The following PDE4D variants were observed in gnomAD, a reference collection of about 807,000 sequenced individuals.
PDE4D encodes 3',5'-cyclic-AMP phosphodiesterase 4D.
In PDE4D, 24 loss-of-function variants were observed where a neutral mutation model predicts 87.4. The ratio of observed to expected loss-of-function variants is 0.27; its 90% CI spans 0.20 to 0.39. The LOEUF (loss-of-function observed/expected upper bound fraction) is 0.39. Ranked by LOEUF, PDE4D falls within the 10% of genes least tolerant of loss-of-function variation. PDE4D has a pLI of 1.00. For missense variants in PDE4D, 714 were observed against 1,041.0 expected, an observed-to-expected ratio of 0.69 and a Z score of 4.32; for synonymous variants, 384 against 383.2, an observed-to-expected ratio of 1.00 and a Z score of -0.02.
intron 2 of PDE4D, among the ~76,000 whole-genome samples, chr5:59,207,191 GA>G (rs1748987995): frequency 6.6e-6 from 1 of 150,738 alleles, no homozygotes; most frequent in African/African-American, 2.4e-5. Flanking sequence ...TGTCTCAAAA[GA>G]AAAGAAAAAA....
chr5:59,676,412 C>T (rs1748088953), intron 1 of PDE4D, among the ~76,000 whole-genome samples: 1 of 152,118 alleles, frequency 6.6e-6, no homozygotes. Context: ...TATTTATTAA[C>T]AGCTTTCTCT....
intron 1 of PDE4D, among the ~76,000 whole-genome samples, chr5:60,302,134 CT>C (rs1311011751): frequency 6.6e-6 from 1 of 152,054 alleles, no homozygotes; most frequent in African/African-American, 2.4e-5. Context: ...CTGAAGTTTT[CT>C]TTTTTTGTTA....
At chr5:59,083,897 T>G (rs756343380) in intron 5 of PDE4D, among the ~76,000 whole-genome samples, 1 of 152,094 alleles carries the variant, frequency 6.6e-6, no homozygotes, top group African/African-American at 2.4e-5. Context: ...GTTTCTTAAG[T>G]AGTTGGCAGG....
chr5:59,523,900 C>A (rs1290176860), intron 1 of PDE4D, among the ~76,000 whole-genome samples: 2 of 152,178 alleles, frequency 1.3e-5, no homozygotes, highest in Non-Finnish European at 2.9e-5. Context: ...CTTCTCTCTC[C>A]TGCTGCCATG....
At chr5:59,489,804 T>C (rs1468176753) in intron 1 of PDE4D, among the ~76,000 whole-genome samples, 1 of 152,204 alleles carries the variant, frequency 6.6e-6, no homozygotes, top group African/African-American at 2.4e-5. Flanking sequence ...GACAATATCA[T>C]GCAATTTTCA....
chr5:59,615,556 A>G, intron 1 of PDE4D, among the ~76,000 whole-genome samples: 1 of 152,206 alleles, frequency 6.6e-6, no homozygotes, highest in East Asian at 1.9e-4. Context: ...ATGGACACAG[A>G]CACAGTCAGC....
chr5:60,186,117 G>T (rs775521584), intron 1 of PDE4D, among the ~76,000 whole-genome samples: 1 of 152,118 alleles, frequency 6.6e-6, no homozygotes, highest in Non-Finnish European at 1.5e-5. Flanking sequence ...GTGAAGAAAA[G>T]AGCCCTCTGA....
At chr5:59,163,519 T>C (rs1448872958) in intron 5 of PDE4D, among the ~76,000 whole-genome samples, 2 of 152,060 alleles carry the variant, frequency 1.3e-5, no homozygotes, top group Admixed American at 6.5e-5. Flanking sequence ...GATCCGCCCC[T>C]CCTTGGCCTC....
chr5:59,231,873 T>C (rs1755285247), intron 1 of PDE4D, among the ~76,000 whole-genome samples: 1 of 152,212 alleles, frequency 6.6e-6, no homozygotes, highest in South Asian at 2.1e-4. Context: ...TAAGAGATGT[T>C]AGAGAATAAG....
intron 5 of PDE4D, 116 bp from the exon 6 acceptor site, chr5:59,039,087 A>G (rs764594172): frequency 1.1e-5 from 16 of 1,471,962 alleles, no homozygotes; most frequent in Middle Eastern, 1.8e-4. Flanking sequence ...CGGTGCCGGC[A>G]CATGAGGGCT....
chr5:59,250,627 T>C (rs774298946), intron 1 of PDE4D, among the ~76,000 whole-genome samples: 2 of 152,104 alleles, frequency 1.3e-5, no homozygotes, highest in Non-Finnish European at 2.9e-5. Flanking sequence ...AATATAAAGA[T>C]GTCCAACAAT....
chr5:60,143,830 C>T (rs1160463872), intron 2 of PDE4D, among the ~76,000 whole-genome samples: 1 of 151,976 alleles, frequency 6.6e-6, no homozygotes, highest in Non-Finnish European at 1.5e-5. Context: ...CACATAAGAT[C>T]CCAAACTAGT....
rs182701144 is a variant in PDE4D, at chr5:59,705,299, C to T, written c.455+187869G>A. ...GGAGCCTCCTTGAGTTAAAAGCCTA[C>T]CATTTTTCATGTCAATTACACACAA... On this transcript the variant is annotated intron_variant, in intron 1 of 14. Transcript: ENST00000340635. 4.9e-3 allele frequency among the ~76,000 whole-genome samples: 745 copies of T among 152,252 alleles called. 6 individuals are homozygous for T. The highest frequency in any genetic ancestry group is 7.2e-3 in the Non-Finnish European group (490 of 68,018).
intron 1 of PDE4D, among the ~76,000 whole-genome samples, chr5:59,221,909 T>G (rs1752656410): frequency 6.6e-6 from 1 of 152,192 alleles, no homozygotes; most frequent in Non-Finnish European, 1.5e-5. Flanking sequence ...AAGAGATAAC[T>G]TTTGCCAGAA....
At chr5:59,090,033 T>C (rs1768402269) in intron 5 of PDE4D, among the ~76,000 whole-genome samples, 1 of 152,024 alleles carries the variant, frequency 6.6e-6, no homozygotes, top group Non-Finnish European at 1.5e-5. Flanking sequence ...AGGTATGAAG[T>C]CTGGGTATTT....
At chr5:59,289,973 A>G (rs1370208372) in intron 1 of PDE4D, among the ~76,000 whole-genome samples, 2 of 151,996 alleles carry the variant, frequency 1.3e-5, no homozygotes, top group African/African-American at 2.4e-5. Flanking sequence ...TAAACCAAAA[A>G]AGTCTACAAT....
chr5:59,698,386 T>C (rs1752096981), intron 1 of PDE4D, among the ~76,000 whole-genome samples: 1 of 152,010 alleles, frequency 6.6e-6, no homozygotes, highest in Non-Finnish European at 1.5e-5. Flanking sequence ...TGCATGGATA[T>C]TTGAGAAGTT....
intron 1 of PDE4D, among the ~76,000 whole-genome samples, chr5:59,265,222 G>A (rs1204823812): frequency 6.6e-6 from 1 of 151,982 alleles, no homozygotes; most frequent in Non-Finnish European, 1.5e-5. Flanking sequence ...ATTCCTTTCA[G>A]ATGAAACCCC....
At chr5:59,641,444 T>C (rs1472245547) in intron 1 of PDE4D, among the ~76,000 whole-genome samples, 1 of 152,194 alleles carries the variant, frequency 6.6e-6, no homozygotes, top group African/African-American at 2.4e-5. Context: ...TTGCCACATA[T>C]TCTGGAAAGG....
Sources: allele counts gnomAD v4.1 joint callset (sites outside exome capture counted in the v4.1 genomes callset), GRCh38; gene constraint gnomAD v4.1.1; transcripts MANE v1.5; gene names NCBI Gene and HGNC (gene_info 2026-07-23, HGNC 2026-07-21).